The following CCDC88C variants were observed in gnomAD, a reference collection of about 807,000 sequenced individuals.
CCDC88C encodes protein Daple.
In CCDC88C, 131 loss-of-function variants were observed where a neutral mutation model predicts 198.8. The observed-to-expected ratio is 0.66, with a 90% CI of 0.57 to 0.76. The LOEUF (loss-of-function observed/expected upper bound fraction) is 0.76, where lower values mean the gene tolerates loss of function less well. CCDC88C is among the 30% of genes least tolerant of loss of function. The pLI, the probability that CCDC88C is intolerant of heterozygous loss-of-function variation, is 0.00. For synonymous variants in CCDC88C, 1,166 were observed against 1,114.7 expected, an observed-to-expected ratio of 1.05 and a Z score of -0.92; for missense variants, 2,553 against 2,631.6, an observed-to-expected ratio of 0.97 and a Z score of 0.65.
chr14:91,412,207 G>GTTTTTTTTTTTTTTTTTT (rs1567129989), intron 2 of CCDC88C, among the ~76,000 whole-genome samples: 2 of 151,922 alleles, frequency 1.3e-5, no homozygotes, highest in African/African-American at 4.8e-5. Context: ...TATGTTTAAT[G>GTTTTTTTTTTTTTTTTTT]TATTTTTATA....
rs375077027 is a variant in CCDC88C at position 91,338,478 on chromosome 14, C to T, written c.891+11G>A. 7.1e-6 allele frequency: 11 copies of T among 1,558,226 alleles called. No individual in the cohort carries two copies. Among genetic ancestry groups the T allele is most frequent in the African/African-American group, 1.4e-5 (1 of 73,286 alleles). Reference sequence around the variant, plus strand: ...ACCCCCAGGACACACAGGCTCAGGCCCCCGACTCACCTCCTGCTTAACTTT... The same window carrying T: ...ACCCCCAGGACACACAGGCTCAGGCTCCCGACTCACCTCCTGCTTAACTTT... On this transcript the variant is annotated intron_variant, in intron 9 of 29. Transcript: ENST00000389857. This position sits in a 1 kb window ranked among gnomAD's most constrained non-coding sequence, Gnocchi z 4.8.
Position 91,325,790 on chromosome 14 carries a change from A to T in CCDC88C, c.1197+120T>A. On this transcript the variant is annotated intron_variant, in intron 11 of 29. Coordinates refer to ENST00000389857, the MANE Select transcript of CCDC88C (RefSeq NM_001080414.4). The surrounding 1 kb of genome is among the most constrained non-coding windows in gnomAD (Gnocchi z 4.1). ...GGCCTCGCTAGGTTGCCAGGGTTAG[A>T]ACTCCTGCGCTCAAGGGATCCTCCC... The T allele has an allele frequency of 1.0e-6, 1 of 980,454 alleles. No homozygotes were observed. Among genetic ancestry groups the T allele is most frequent in the Non-Finnish European group, 1.5e-6 (1 of 674,704 alleles). 60.7% of individuals were successfully genotyped at this position (980,454 alleles called of 1,614,324 possible).
intron 3 of CCDC88C, among the ~76,000 whole-genome samples, chr14:91,375,498 G>A (rs781324321): frequency 3.3e-5 from 5 of 152,124 alleles, no homozygotes; most frequent in Admixed American, 6.5e-5. Flanking sequence ...GAAGAGGGGG[G>A]TGGGCAGCGG....
At chr14:91,366,532 A>ATGTATC (rs1411482476) in intron 3 of CCDC88C, among the ~76,000 whole-genome samples, 1 of 151,842 alleles carries the variant, frequency 6.6e-6, no homozygotes, top group Non-Finnish European at 1.5e-5. Flanking sequence ...ACAAAAAACC[A>ATGTATC]TGTATCTGTA....
chr14:91,352,826 G>A lies in CCDC88C; in HGVS notation c.340+6816C>T, dbSNP rs552386932. Among the ~76,000 whole-genome samples, 34 of 152,324 alleles carry A rather than the reference G, an allele frequency of 2.2e-4. No homozygotes were observed. The South Asian group carries it at 5.8e-3, about 26-fold the overall frequency. On this transcript the variant is annotated intron_variant, in intron 4 of 29. Coordinates refer to ENST00000389857, the MANE Select transcript of CCDC88C (RefSeq NM_001080414.4). The surrounding 1 kb of genome is among the most constrained non-coding windows in gnomAD (Gnocchi z 4.2). ...AGCCAGGGGCAGGACTGGGAGGGCC[G>A]CAGGGCCAGGAAGACAGGGCTTTTG... is the stretch of plus-strand genomic sequence containing the variant.
At chr14:91,374,471 A>C (rs1894982423) in intron 3 of CCDC88C, among the ~76,000 whole-genome samples, 1 of 152,258 alleles carries the variant, frequency 6.6e-6, no homozygotes, top group Non-Finnish European at 1.5e-5. Flanking sequence ...GAAGTGACAG[A>C]AAACATAGCT....
intron 3 of CCDC88C, among the ~76,000 whole-genome samples, chr14:91,376,709 C>T (rs1884441241): frequency 6.6e-6 from 1 of 152,176 alleles, no homozygotes; most frequent in Non-Finnish European, 1.5e-5. Context: ...CCCAGGGGTC[C>T]CCTGGATGGT....
rs762784863 is a variant in CCDC88C, at chr14:91,408,734, C to T, written c.195G>A (p.Lys65=). Residue 65 remains lysine, a synonymous_variant, in exon 3 of 30, where the codon AAG becomes AAA. Transcript: ENST00000389857. The part of the protein sequence containing the change: ...DPRPTNQRIN[K]HVNNDVNLRI... ...GAAGGTTCACATCATTGTTGACGTGCTTATTGATGCGTTGATTTGTGGGCC... is the reference window on the plus strand; with the variant it reads ...GAAGGTTCACATCATTGTTGACGTGTTTATTGATGCGTTGATTTGTGGGCC... 5.6e-6 allele frequency: 9 copies of T among 1,613,658 alleles called. No individual in the cohort carries two copies. Among genetic ancestry groups the T allele is most frequent in the African/African-American group, 2.7e-5 (2 of 74,906 alleles).
chr14:91,311,376 A>C (rs1891815917), intron 15 of CCDC88C, among the ~76,000 whole-genome samples: 1 of 152,230 alleles, frequency 6.6e-6, no homozygotes, highest in Non-Finnish European at 1.5e-5. Flanking sequence ...GTGTTCACCA[A>C]ACCCATTTCC....
chr14:91,278,250 C>T (rs747388258), intron 28 of CCDC88C, 39 bp from the exon 29 acceptor site: 6 of 1,544,954 alleles, frequency 3.9e-6, no homozygotes, highest in Admixed American at 1.9e-5. Flanking sequence ...CCTCATCAGT[C>T]TTGGCAGCCC....
At chr14:91,403,081 AAGGAGGGCACTC>A (rs1726925693) in intron 3 of CCDC88C, among the ~76,000 whole-genome samples, 1 of 152,172 alleles carries the variant, frequency 6.6e-6, no homozygotes, top group Non-Finnish European at 1.5e-5. Flanking sequence ...CTTTTGCTTG[AAGGAGGGCACTC>A]AGGAGGCTCA....
intron 3 of CCDC88C, 80 bp downstream of exon 3, chr14:91,408,579 C>T (rs1886629830): frequency 7.8e-6 from 7 of 892,890 alleles, no homozygotes; most frequent in Non-Finnish European, 1.3e-5. Flanking sequence ...CGTTTCCTCC[C>T]GGCCTCCTGT....
intron 3 of CCDC88C, among the ~76,000 whole-genome samples, chr14:91,374,629 C>T (rs1376644931): frequency 1.3e-5 from 2 of 152,210 alleles, no homozygotes; most frequent in African/African-American, 4.8e-5. Context: ...ACAGCCAGAA[C>T]AGGCCGTGCA....
chr14:91,338,873 G>A lies in CCDC88C; in HGVS notation c.810-303C>T, dbSNP rs1371885936. The A allele has an allele frequency of 6.1e-6, 3 of 491,518 alleles. No homozygotes were observed. The highest frequency in any genetic ancestry group is 3.9e-5 in the African/African-American group (2 of 51,484). The allele number at this position is 491,518 out of a possible 1,614,324, so 30.4% of individuals were successfully genotyped here. A position where few individuals can be genotyped will look rare whatever the true frequency, so the allele number is the denominator to read the frequency against. ...TACCACCCCACAGCCAGGCTCCACAGGTGACATCCATCAGCTGCAGGAAAC... is the reference window on the plus strand; with the variant it reads ...TACCACCCCACAGCCAGGCTCCACAAGTGACATCCATCAGCTGCAGGAAAC... On this transcript the variant is annotated intron_variant, in intron 8 of 29. Transcript: ENST00000389857. This position sits in a 1 kb window ranked among gnomAD's most constrained non-coding sequence, Gnocchi z 4.8.
At chr14:91,304,028 G>A (rs1433034573) in intron 19 of CCDC88C, 50 bp from the exon 20 acceptor site, 1 of 1,570,424 alleles carries the variant, frequency 6.4e-7, no homozygotes, top group Admixed American at 1.7e-5. Flanking sequence ...AGTCAGCGAG[G>A]AGGGCTGGGG....
At chr14:91,407,542 C>A (rs577366414) in intron 3 of CCDC88C, among the ~76,000 whole-genome samples, 2 of 152,298 alleles carry the variant, frequency 1.3e-5, no homozygotes, top group East Asian at 3.9e-4. Context: ...CCTCTGGAGT[C>A]CCGGGAACCC....
intron 14 of CCDC88C, among the ~76,000 whole-genome samples, chr14:91,314,629 A>G (rs1892014666): frequency 6.6e-6 from 1 of 152,174 alleles, no homozygotes; most frequent in African/African-American, 2.4e-5. Flanking sequence ...TCCTGGCATG[A>G]TGATTCTAAG....
Position 91,339,198 on chromosome 14 carries a change from C to G in CCDC88C, c.809+80G>C, listed in dbSNP as rs1052473305. 1 of 1,517,808 alleles carries G rather than the reference C, an allele frequency of 6.6e-7. No homozygotes were observed. The allele number at this position is 1,517,808 out of a possible 1,614,324, so 94.0% of individuals were successfully genotyped here. A position where few individuals can be genotyped will look rare whatever the true frequency, so the allele number is the denominator to read the frequency against. On this transcript the variant is annotated intron_variant, in intron 8 of 29. Transcript: ENST00000389857. The surrounding 1 kb of genome is among the most constrained non-coding windows in gnomAD (Gnocchi z 5.8). ...CACGTCAGAGCTGTGCCATTGGCAG[C>G]ACCACACATGTGAGTCGACACCACA...
rs1338182070 is a variant in CCDC88C at position 91,297,439 on chromosome 14, G to A, written c.3832C>T (p.His1278Tyr). The A allele has an allele frequency of 7.5e-6, 12 of 1,595,842 alleles. No individual in the cohort carries two copies. The highest frequency in any genetic ancestry group is 1.0e-5 in the Non-Finnish European group (12 of 1,171,156). ...LKGEYEELHA[H>Y]TKELKTSLNN... ...AGTGAGGTTTTCAGCTCCTTGGTGT[G>A]GGCGTGCAGCTCCTCGTACTCCCCC... Residue 1278 changes from histidine (H) to tyrosine (Y), a missense_variant, in exon 22 of 30, where the codon CAC (histidine) becomes TAC (tyrosine). Transcript: ENST00000389857.
Sources: gnomAD v4.1 joint callset for allele counts (sites outside exome capture counted in the v4.1 genomes callset) on GRCh38, gnomAD v4.1.1 for gene constraint, Gnocchi (gnomAD v3.1) non-coding constraint, MANE v1.5 for transcripts, NCBI Gene and HGNC (gene_info 2026-07-23, HGNC 2026-07-21) for gene names.